Variants in CHKA observed in about 807,000 individuals in gnomAD.
CHKA encodes choline kinase alpha, also known as CHETK-alpha.
CHKA carries 34 observed loss-of-function variants against 60.1 expected under a neutral mutation model. That is an observed-to-expected ratio of 0.57 (90% CI 0.43 to 0.75). The LOEUF (loss-of-function observed/expected upper bound fraction) is 0.75. CHKA is among the 30% of genes least tolerant of loss of function. The pLI is 0.00. For synonymous variants in CHKA, 217 were observed against 223.1 expected, an observed-to-expected ratio of 0.97 and a Z score of 0.24; for missense variants, 563 against 561.3, an observed-to-expected ratio of 1.00 and a Z score of -0.03.
chr11:68,111,812 G>A (rs866755798), intron 1 of CHKA, among the ~76,000 whole-genome samples: 11 of 151,938 alleles, frequency 7.2e-5, no homozygotes, highest in Non-Finnish European at 1.5e-4. Flanking sequence ...CCAGCACTTT[G>A]GGAGGCTGAG....
At position 68,103,914 on chromosome 11, in the gene CHKA, A is replaced by G. The variant is rs560473535; in HGVS notation, c.351-6784T>C. Among the ~76,000 whole-genome samples, 30 of 152,066 alleles carry G rather than the reference A, an allele frequency of 2.0e-4. No individual in the cohort carries two copies. The East Asian group carries it at 5.6e-3, about 28-fold the overall frequency. On this transcript the variant is annotated intron_variant, in intron 1 of 11. Transcript: ENST00000265689. ...GGAGACAGAGCAAGGCTCAGTCTCA[A>G]AAAAATAAAAAATAAATAAATTAAT...
chr11:68,061,580 A>AC, intron 11 of CHKA: 1 of 365,564 alleles, frequency 2.7e-6, no homozygotes, highest in South Asian at 2.0e-5. Flanking sequence ...GGCAGGAGCC[A>AC]CCCACTCTTC....
At chr11:68,116,348 T>C (rs1483284352) in intron 1 of CHKA, among the ~76,000 whole-genome samples, 1 of 151,992 alleles carries the variant, frequency 6.6e-6, no homozygotes, top group Non-Finnish European at 1.5e-5. Context: ...GGCAGGCGGA[T>C]CACCTGAGCC....
At chr11:68,076,645 G>C (rs897441792) in intron 3 of CHKA, among the ~76,000 whole-genome samples, 2 of 151,922 alleles carry the variant, frequency 1.3e-5, no homozygotes, top group Non-Finnish European at 2.9e-5. Context: ...TGCTGGACTC[G>C]GAAGTTCAGC....
At chr11:68,109,333 C>T (rs1406713245) in intron 1 of CHKA, among the ~76,000 whole-genome samples, 3 of 152,086 alleles carry the variant, frequency 2.0e-5, no homozygotes, top group African/African-American at 7.2e-5. Flanking sequence ...TCGTGATCCT[C>T]CCGCCTCAGG....
intron 1 of CHKA, among the ~76,000 whole-genome samples, chr11:68,113,694 C>CAAAACA (rs1590886643): frequency 6.8e-6 from 1 of 147,216 alleles, no homozygotes; most frequent in Non-Finnish European, 1.5e-5. Flanking sequence ...GACTCTGTCT[C>CAAAACA]AAAACAAAAA....
At chr11:68,099,880 G>C (rs1328888574) in intron 1 of CHKA, among the ~76,000 whole-genome samples, 4 of 152,214 alleles carry the variant, frequency 2.6e-5, no homozygotes, top group African/African-American at 9.7e-5. Flanking sequence ...AAAGAAGGAA[G>C]GCAGACTAGC....
intron 2 of CHKA, among the ~76,000 whole-genome samples, chr11:68,095,708 C>CAAAAAAA (rs55959031): frequency 1.5e-4 from 2 of 13,134 alleles, no homozygotes; most frequent in Admixed American, 1.5e-3. Flanking sequence ...GACTCCGTCG[C>CAAAAAAA]AAAAAAAAAA....
chr11:68,113,668 C>G (rs945038736), intron 1 of CHKA, among the ~76,000 whole-genome samples: 2 of 151,724 alleles, frequency 1.3e-5, no homozygotes, highest in Non-Finnish European at 2.9e-5. Context: ...GCGCTCCAGC[C>G]TGGGCAAAAG....
chr11:68,114,431 C>T (rs1362890868), intron 1 of CHKA, among the ~76,000 whole-genome samples: 1 of 152,148 alleles, frequency 6.6e-6, no homozygotes, highest in Non-Finnish European at 1.5e-5. Context: ...GGCACAGGGG[C>T]TCACCCCTGT....
At chr11:68,095,111 A>G (rs566520697) in intron 2 of CHKA, among the ~76,000 whole-genome samples, 81 of 152,210 alleles carry the variant, frequency 5.3e-4, no homozygotes, top group African/African-American at 1.8e-3. Context: ...AGAAGATTAA[A>G]ATGGATATCA....
At chr11:68,083,815 C>G (rs1857064844) in intron 2 of CHKA, among the ~76,000 whole-genome samples, 1 of 152,192 alleles carries the variant, frequency 6.6e-6, no homozygotes, top group East Asian at 1.9e-4. Flanking sequence ...GCCCTCTGTT[C>G]TGTTTCCTCA....
chr11:68,098,688 T>TTTTA (rs1222657279), intron 1 of CHKA, among the ~76,000 whole-genome samples: 3 of 152,140 alleles, frequency 2.0e-5, no homozygotes, highest in Admixed American at 6.5e-5. Context: ...TTTTACTTGA[T>TTTTA]TTTATTTATT....
At chr11:68,098,820 A>G (rs1014216475) in intron 1 of CHKA, among the ~76,000 whole-genome samples, 1 of 152,000 alleles carries the variant, frequency 6.6e-6, no homozygotes, top group Non-Finnish European at 1.5e-5. Context: ...CAGCCCCCCA[A>G]GTAGCTGGGA....
intron 2 of CHKA, among the ~76,000 whole-genome samples, chr11:68,083,463 C>T (rs1051165791): frequency 3.3e-5 from 5 of 152,042 alleles, no homozygotes; most frequent in African/African-American, 1.2e-4. Context: ...ATTGTTGTAA[C>T]GGGATTTGAC....
chr11:68,081,521 G>A, intron 2 of CHKA, 64 bp from the exon 3 acceptor site: 2 of 1,291,708 alleles, frequency 1.5e-6, no homozygotes, highest in Non-Finnish European at 2.2e-6. Context: ...CACTAACTTT[G>A]CAACCACCAG....
At chr11:68,107,194 AT>A (rs1211109762) in intron 1 of CHKA, among the ~76,000 whole-genome samples, 1 of 151,920 alleles carries the variant, frequency 6.6e-6, no homozygotes, top group Non-Finnish European at 1.5e-5. Context: ...AGTGATTTCA[AT>A]GAGTCAAGAT....
intron 5 of CHKA, 42 bp from the exon 6 acceptor site, chr11:68,070,335 C>G: frequency 7.4e-7 from 1 of 1,348,418 alleles, no homozygotes; most frequent in Non-Finnish European, 1.1e-6. Flanking sequence ...AAAGAATCAC[C>G]GATCAATTCA....
At position 68,120,824 on chromosome 11, in the gene CHKA, C is replaced by T; in HGVS notation, c.350+4G>A. On this transcript the variant is annotated splice_donor_region_variant and intron_variant, in intron 1 of 11. Coordinates refer to ENST00000265689, the MANE Select transcript of CHKA (RefSeq NM_001277.3). ...CCGCGGCCCCCAGACCCGGCGCCAC[C>T]GACCTGATGACACTGATGTGGAACT... is the stretch of plus-strand genomic sequence containing the variant. 1.6e-6 allele frequency: 2 copies of T among 1,263,668 alleles called. No individual in the cohort carries two copies. Among genetic ancestry groups the T allele is most frequent in the African/African-American group, 1.6e-5 (1 of 63,396 alleles). 78.3% of individuals were successfully genotyped at this position (1,263,668 alleles called of 1,614,324 possible).
Sources: allele counts gnomAD v4.1 joint callset (sites outside exome capture counted in the v4.1 genomes callset), GRCh38; gene constraint gnomAD v4.1.1; transcripts MANE v1.5; gene names NCBI Gene and HGNC (gene_info 2026-07-23, HGNC 2026-07-21).